Variants in TBCD observed in about 807,000 individuals in gnomAD.
TBCD encodes tubulin-specific chaperone D.
TBCD carries 105 observed loss-of-function variants against 169.3 expected under a neutral mutation model. The ratio of observed to expected loss-of-function variants is 0.62; its 90% CI spans 0.53 to 0.73. The LOEUF (loss-of-function observed/expected upper bound fraction) is 0.73. Ranked by LOEUF, TBCD falls within the 30% of genes least tolerant of loss-of-function variation. TBCD has a pLI of 0.00. For synonymous variants in TBCD, 700 were observed against 643.9 expected, an observed-to-expected ratio of 1.09 and a Z score of -1.32; for missense variants, 1,444 against 1,600.1, an observed-to-expected ratio of 0.90 and a Z score of 1.66.
intron 9 of TBCD, among the ~76,000 whole-genome samples, chr17:82,801,517 G>A (rs373378782): frequency 4.8e-5 from 7 of 146,320 alleles, no homozygotes; most frequent in South Asian, 2.2e-4. Context: ...GCAGGATGGC[G>A]GCATGTGTGT....
intron 9 of TBCD, 39 bp downstream of exon 9, chr17:82,801,035 G>A (rs1443178372): frequency 4.5e-6 from 7 of 1,572,480 alleles, no homozygotes; most frequent in Non-Finnish European, 6.0e-6. Context: ...AGGGCCACGG[G>A]GTGGGGAGGG....
Position 82,834,945 on chromosome 17 carries a change from C to A in TBCD, c.1318+20011C>A, listed in dbSNP as rs188581721. On this transcript the variant is annotated intron_variant, in intron 13 of 38. Transcript: ENST00000355528. ...GGGGGCCGTGGCTCATGCCTGTAAT[C>A]CCAGCACTTTGGGAGGCCGAGGTGG... 2.8e-3 allele frequency among the ~76,000 whole-genome samples: 427 copies of A among 152,132 alleles called. 1 individual carries two copies. Among genetic ancestry groups the A allele is most frequent in the African/African-American group, 8.8e-3 (367 of 41,504 alleles).
intron 11 of TBCD, among the ~76,000 whole-genome samples, 177 bp from the exon 12 acceptor site, chr17:82,809,531 C>T (rs539822338): frequency 9.2e-5 from 14 of 152,150 alleles, no homozygotes; most frequent in South Asian, 2.1e-4. Flanking sequence ...GCTCCTTTAC[C>T]CTGCAGCGTG....
intron 23 of TBCD, among the ~76,000 whole-genome samples, chr17:82,914,868 C>T (rs2060915414): frequency 6.6e-6 from 1 of 152,198 alleles, no homozygotes; most frequent in Non-Finnish European, 1.5e-5. Flanking sequence ...TTTCAGCTTT[C>T]AAGTAGGAAT....
At chr17:82,814,751 C>CCTGG in intron 12 of TBCD, 89 bp from the exon 13 acceptor site, 1 of 1,267,278 alleles carries the variant, frequency 7.9e-7, no homozygotes, top group Non-Finnish European at 1.1e-6. Flanking sequence ...AGGATATGGA[C>CCTGG]CTGCCAGGCT....
chr17:82,820,961 A>T (rs2052367028), intron 13 of TBCD, among the ~76,000 whole-genome samples: 1 of 152,112 alleles, frequency 6.6e-6, no homozygotes, highest in South Asian at 2.1e-4. Context: ...TTCTCTTTTA[A>T]TAATTTCTTT....
At position 82,945,482 on chromosome 17, in the gene TBCD, G is replaced by A. The variant is rs879427773; in HGVS notation, c.*3019G>A. 2 of 152,232 alleles carry A rather than the reference G, an allele frequency of 1.3e-5. No homozygotes were observed. Among genetic ancestry groups the A allele is most frequent in the Non-Finnish European group, 2.9e-5 (2 of 68,048 alleles). 9.4% of individuals were successfully genotyped at this position (152,232 alleles called of 1,614,324 possible). ...CCAATTTCCCAGCAGCAGCACTGGA[G>A]TTGAGCAGTGAGTAGACCAAGGTCT... On this transcript the variant is annotated 3_prime_UTR_variant, in exon 39 of 39. Transcript: ENST00000355528.
intron 3 of TBCD, among the ~76,000 whole-genome samples, chr17:82,764,544 C>T (rs2047929583): frequency 6.6e-6 from 1 of 152,110 alleles, no homozygotes. Context: ...GCTTGGGAGG[C>T]TGAGGCGGGA....
chr17:82,776,752 C>T (rs1173120243), intron 6 of TBCD, among the ~76,000 whole-genome samples: 1 of 152,110 alleles, frequency 6.6e-6, no homozygotes, highest in Non-Finnish European at 1.5e-5. Flanking sequence ...CTTCTGGGTT[C>T]CAGGACACGA....
At position 82,929,104 on chromosome 17, in the gene TBCD, G is replaced by A; in HGVS notation, c.2694-9G>A. On this transcript the variant is annotated splice_polypyrimidine_tract_variant and intron_variant, in intron 30 of 38. Transcript: ENST00000355528. ...CGCCCTTGGTTTACCTCCTGCTCTC[G>A]GTTTGCAGCTGTGAGCGCATCATGT... The A allele has an allele frequency of 6.2e-7, 1 of 1,604,680 alleles. No homozygotes were observed. The highest frequency in any genetic ancestry group is 1.3e-5 in the African/African-American group (1 of 74,958).
At chr17:82,909,345 C>A in intron 22 of TBCD, 38 bp downstream of exon 22, 1 of 1,501,070 alleles carries the variant, frequency 6.7e-7, no homozygotes, top group South Asian at 1.2e-5. Context: ...TATCTGTGTC[C>A]TAATGAAGAA....
chr17:82,853,176 C>T lies in TBCD; in HGVS notation c.1319-17048C>T, dbSNP rs551075302. Among the ~76,000 whole-genome samples, 226 of 151,878 alleles carry T rather than the reference C, an allele frequency of 1.5e-3. 1 individual carries two copies. The highest frequency in any genetic ancestry group is 5.2e-3 in the African/African-American group (216 of 41,388). Reference sequence around the variant, plus strand: ...CTCACTGCATCCTTGACCTCTTGGGCGCAAGTGATCCTCTGACCTCAGCCT... The same window carrying T: ...CTCACTGCATCCTTGACCTCTTGGGTGCAAGTGATCCTCTGACCTCAGCCT... On this transcript the variant is annotated intron_variant, in intron 13 of 38. Transcript: ENST00000355528.
intron 16 of TBCD, among the ~76,000 whole-genome samples, chr17:82,891,196 C>G (rs1480577668): frequency 6.6e-6 from 1 of 152,348 alleles, no homozygotes; most frequent in Non-Finnish European, 1.5e-5. Context: ...ACCAGCCTCC[C>G]TGTGTGTGTG....
intron 22 of TBCD, 55 bp from the exon 23 acceptor site, chr17:82,911,703 G>A: frequency 6.4e-7 from 1 of 1,554,740 alleles, no homozygotes; most frequent in East Asian, 2.2e-5. Context: ...CATATTTCAT[G>A]GTGTTTTATA....
intron 7 of TBCD, among the ~76,000 whole-genome samples, chr17:82,785,229 A>G (rs12951169): frequency 3.4e-4 from 30 of 89,016 alleles, no homozygotes; most frequent in South Asian, 2.8e-3. Flanking sequence ...TGTGTGACTG[A>G]GACCACTGGA....
At chr17:82,777,774 C>T (rs909179949) in intron 6 of TBCD, among the ~76,000 whole-genome samples, 12 of 152,262 alleles carry the variant, frequency 7.9e-5, no homozygotes, top group Admixed American at 7.2e-4. Flanking sequence ...CGGATAACTG[C>T]GGGCGAGCCT....
rs1052855483 is a variant in TBCD at position 82,864,502 on chromosome 17, C to T, written c.1319-5722C>T. ...CGTGTTGGCCAGGGTGTGTCATACACCTGGCCTGGCCTGCGTGCCTCACGT... is the reference window on the plus strand; with the variant it reads ...CGTGTTGGCCAGGGTGTGTCATACATCTGGCCTGGCCTGCGTGCCTCACGT... On this transcript the variant is annotated intron_variant, in intron 13 of 38. Transcript: ENST00000355528. This position sits in a 1 kb window ranked among gnomAD's most constrained non-coding sequence, Gnocchi z 6.3. 1 of 152,280 alleles carries T rather than the reference C, an allele frequency of 6.6e-6. No homozygotes were observed. The highest frequency in any genetic ancestry group is 1.5e-5 in the Non-Finnish European group (1 of 68,078). The allele number at this position is 152,280 out of a possible 1,614,324, so 9.4% of individuals were successfully genotyped here. A position where few individuals can be genotyped will look rare whatever the true frequency, so the allele number is the denominator to read the frequency against.
intron 7 of TBCD, among the ~76,000 whole-genome samples, chr17:82,796,919 C>T (rs1231736225): frequency 2.0e-5 from 3 of 152,190 alleles, no homozygotes; most frequent in Non-Finnish European, 2.9e-5. Context: ...TTCATTTTTC[C>T]GTGTGGTGGG....
At chr17:82,781,486 G>GGTTTCTGGGGGTGTA (rs2048945812) in intron 6 of TBCD, 103 bp from the exon 7 acceptor site, 1 of 1,459,956 alleles carries the variant, frequency 6.8e-7, no homozygotes, top group South Asian at 1.3e-5. Context: ...AAGGGTGCGT[G>GGTTTCTGGGGGTGTA]AGGTGGGAGG....
Sources: gnomAD v4.1 joint callset for allele counts (sites outside exome capture counted in the v4.1 genomes callset) on GRCh38, gnomAD v4.1.1 for gene constraint, Gnocchi (gnomAD v3.1) non-coding constraint, MANE v1.5 for transcripts, NCBI Gene and HGNC (gene_info 2026-07-23, HGNC 2026-07-21) for gene names.